Variants in CERT1 observed in about 807,000 individuals in gnomAD.
CERT1 encodes the protein ceramide transfer protein.
Under a neutral mutation model 87.9 loss-of-function variants are expected in CERT1, and 31 were observed. The ratio of observed to expected loss-of-function variants is 0.35; its 90% confidence interval spans 0.27 to 0.48. The LOEUF is 0.48. Among genes scored for constraint, CERT1 ranks in the 20% least tolerant of loss-of-function variants. The pLI is 0.99. For synonymous variants in CERT1, 289 were observed against 250.9 expected (o/e 1.15, Z -1.44); for missense variants, 487 against 758.0 (o/e 0.64, Z 4.20).
chr5:75,388,640 A>ATATC (rs1491495747), intron 12 of CERT1, among the ~76,000 whole-genome samples: 3 of 109,912 alleles, frequency 2.7e-5, no homozygotes, highest in Non-Finnish European at 5.8e-5. Flanking sequence ...ATATATATAT[A>ATATC]TCTCACACAG....
chr5:75,410,030 C>G (rs1762866388), intron 8 of CERT1, among the ~76,000 whole-genome samples: 1 of 152,048 alleles, frequency 6.6e-6, no homozygotes, highest in Non-Finnish European at 1.5e-5. Flanking sequence ...GTCTTGAACT[C>G]CTGGCCTCAA....
intron 1 of CERT1, among the ~76,000 whole-genome samples, chr5:75,507,973 T>A (rs1767731910): frequency 6.6e-6 from 1 of 152,212 alleles, no homozygotes; most frequent in Non-Finnish European, 1.5e-5. Context: ...CTGTATTCCT[T>A]AGGAGACTTA....
chr5:75,505,769 C>T (rs1767621840), intron 2 of CERT1: 2 of 340,528 alleles, frequency 5.9e-6, no homozygotes, highest in South Asian at 9.9e-5. Flanking sequence ...TTGATATACC[C>T]ACCAGATAAA....
At chr5:75,450,895 C>T (rs565731707) in intron 3 of CERT1, among the ~76,000 whole-genome samples, 1 of 152,292 alleles carries the variant, frequency 6.6e-6, no homozygotes, top group South Asian at 2.1e-4. Context: ...CAAGCTGTAA[C>T]CCAACAACCT....
At chr5:75,491,112 C>A (rs1766774153) in intron 2 of CERT1, among the ~76,000 whole-genome samples, 3 of 152,068 alleles carry the variant, frequency 2.0e-5, no homozygotes, top group Admixed American at 1.3e-4. Context: ...ATTTTATAAA[C>A]TAAAGGAAAG....
In CERT1 at chr5:75,382,065, C is replaced by G; in HGVS notation, c.1501G>C (p.Ala501Pro). The part of the protein sequence containing the change: ...IYQTHKRVWP[A>P]SQRDVLYLSV... ...AGATATAATACGTCTCGCTGAGAAG[C>G]AGGCCACACCCTCTGTGGAGAAGTA... Residue 501 changes from alanine (A) to proline (P), a missense_variant, in exon 15 of 17, where the codon GCT (alanine) becomes CCT (proline). Physicochemically the swap from Ala to Pro is conservative, Grantham distance 27 (BLOSUM62 -1). Around this residue, in one of 8 missense-constraint regions of CERT1, gnomAD observed 147 missense variants for 200.8 expected, o/e 0.73. Transcript: ENST00000643780. The G allele has an allele frequency of 6.2e-7, 1 of 1,613,848 alleles. No homozygotes were observed. The highest frequency in any genetic ancestry group is 8.5e-7 in the Non-Finnish European group (1 of 1,179,876).
chr5:75,381,584 C>T (rs1761587850), intron 15 of CERT1, among the ~76,000 whole-genome samples: 1 of 152,024 alleles, frequency 6.6e-6, no homozygotes, highest in Admixed American at 6.6e-5. Context: ...GCCCAGGATC[C>T]CTTCCTCTTA....
chr5:75,429,187 TAA>T (rs1184426158), intron 3 of CERT1, among the ~76,000 whole-genome samples: 22 of 147,036 alleles, frequency 1.5e-4, no homozygotes, highest in Non-Finnish European at 6.0e-5. Context: ...ATAATAATAA[TAA>T]TAATAATAAT....
chr5:75,415,623 T>C (rs1333470114), intron 7 of CERT1, among the ~76,000 whole-genome samples: 3 of 152,134 alleles, frequency 2.0e-5, no homozygotes, highest in Non-Finnish European at 4.4e-5. Context: ...CCAAAGAATA[T>C]GATCCCTTAG....
At chr5:75,391,153 C>T (rs549222392) in intron 11 of CERT1, among the ~76,000 whole-genome samples, 25 of 152,132 alleles carry the variant, frequency 1.6e-4, no homozygotes, top group Non-Finnish European at 2.5e-4. Flanking sequence ...GACAGGGTCT[C>T]GCCATCTGGC....
chr5:75,379,818 C>T (rs181722435), intron 16 of CERT1, among the ~76,000 whole-genome samples: 1 of 152,208 alleles, frequency 6.6e-6, no homozygotes, highest in African/African-American at 2.4e-5. Context: ...CTCTTGACCT[C>T]ATGATCCGCC....
chr5:75,433,277 T>C, intron 3 of CERT1, among the ~76,000 whole-genome samples: 1 of 152,236 alleles, frequency 6.6e-6, no homozygotes, highest in Non-Finnish European at 1.5e-5. Flanking sequence ...GTAAACTGCT[T>C]TGGGCATTAC....
intron 11 of CERT1, among the ~76,000 whole-genome samples, chr5:75,393,833 T>C (rs557466741): frequency 2.0e-5 from 3 of 151,556 alleles, no homozygotes; most frequent in South Asian, 2.1e-4. Context: ...GGCGTGGTGG[T>C]GCATGCCTGT....
intron 2 of CERT1, among the ~76,000 whole-genome samples, chr5:75,494,346 G>C (rs1273279135): frequency 6.6e-6 from 1 of 152,174 alleles, no homozygotes; most frequent in Non-Finnish European, 1.5e-5. Context: ...CTGTCCTGAG[G>C]ATTAAAGTTT....
At chr5:75,508,118 C>G (rs1284259491) in intron 1 of CERT1, among the ~76,000 whole-genome samples, 1 of 152,206 alleles carries the variant, frequency 6.6e-6, no homozygotes, top group Non-Finnish European at 1.5e-5. Flanking sequence ...GACAACTTCC[C>G]ACTGACTGTC....
At chr5:75,374,090 C>A (rs1030326204), downstream of CERT1, 4 of 398,238 alleles carry the variant, frequency 1.0e-5, no homozygotes, top group Admixed American at 1.3e-4. Context: ...AGGTCTTGGG[C>A]CACAGACAAG....
intron 8 of CERT1, among the ~76,000 whole-genome samples, chr5:75,404,297 A>T (rs1007971042): frequency 5.9e-5 from 9 of 151,488 alleles, no homozygotes; most frequent in Admixed American, 4.6e-4. Flanking sequence ...TTCATAAAAA[A>T]AAAAAAAAAA....
chr5:75,393,169 T>C (rs372880895), intron 11 of CERT1, among the ~76,000 whole-genome samples: 33 of 151,934 alleles, frequency 2.2e-4, no homozygotes, highest in East Asian at 1.4e-3. Context: ...GTCAAAAACA[T>C]TGAAGAAGGT....
At chr5:75,427,273 A>G (rs1003421640) in intron 3 of CERT1, among the ~76,000 whole-genome samples, 1 of 152,184 alleles carries the variant, frequency 6.6e-6, no homozygotes, top group African/African-American at 2.4e-5. Context: ...TGGATCTCTG[A>G]TTATTTTCTA....
Sources: allele counts gnomAD v4.1 joint callset (sites outside exome capture counted in the v4.1 genomes callset), GRCh38; gene constraint gnomAD v4.1.1; regional missense constraint gnomAD v4.1.1; transcripts MANE v1.5; gene names NCBI Gene and HGNC (gene_info 2026-07-23, HGNC 2026-07-21).